CD9: variants seen among roughly 807,000 people sequenced by gnomAD.
The protein encoded by CD9 is CD9 antigen.
CD9 carries 10 observed loss-of-function variants against 31.4 expected under a neutral mutation model. The observed-to-expected ratio is 0.32, with a 90% CI of 0.20 to 0.54. CD9 has a LOEUF of 0.54. Ranked by LOEUF, CD9 falls within the 20% of genes least tolerant of loss-of-function variation. CD9 has a pLI of 0.94. For missense variants in CD9, 259 were observed against 300.1 expected (o/e 0.86, Z 1.01); for synonymous variants, 113 against 114.1 (o/e 0.99, Z 0.06).
chr12:6,218,967 C>G (rs1005149410), intron 1 of CD9, among the ~76,000 whole-genome samples: 3 of 152,060 alleles, frequency 2.0e-5, no homozygotes, highest in Non-Finnish European at 4.4e-5. Context: ...GGCAGAGTTG[C>G]AGATAAAGAC....
At position 6,225,470 on chromosome 12, in the gene CD9, C is replaced by T. The variant is rs768042447; in HGVS notation, c.111C>T (p.Phe37=). 33 of 1,613,672 alleles carry T rather than the reference C, an allele frequency of 2.0e-5. No homozygotes were observed. The highest frequency in any genetic ancestry group is 1.6e-4 in the Middle Eastern group (1 of 6,084). Residue 37 remains phenylalanine, a synonymous_variant, in exon 2 of 8, where the codon TTC becomes TTT. Coordinates refer to ENST00000009180, the MANE Select transcript of CD9 (RefSeq NM_001769.4). ...AVLAIGLWLR[F]DSQTKSIFEQ... is the part of the protein sequence containing the mutation. ...TTGCCATTGGACTATGGCTCCGATT[C>T]GACTCTCAGACCAAGAGCATCTTCG...
At chr12:6,235,949 A>G (rs1946516010) in intron 6 of CD9, 14 of 1,406,624 alleles carry the variant, frequency 1.0e-5, no homozygotes, top group Non-Finnish European at 1.3e-5. Flanking sequence ...TAGACCCCCA[A>G]GCAGGGCCTG....
chr12:6,235,250 T>C lies in CD9; in HGVS notation c.370T>C (p.Phe124Leu), dbSNP rs948745449. 6.2e-7 allele frequency: 1 copy of C among 1,605,866 alleles called. No individual in the cohort carries two copies. Among genetic ancestry groups the C allele is most frequent in the Non-Finnish European group, 8.5e-7 (1 of 1,173,276 alleles). Residue 124 changes from phenylalanine (F) to leucine (L), a missense_variant, in exon 5 of 8, where the codon TTT becomes CTT. Coordinates refer to ENST00000009180, the MANE Select transcript of CD9 (RefSeq NM_001769.4). ...GTAGGTGATTAAGGAAGTCCAGGAGTTTTACAAGGACACCTACAACAAGCT... is the reference window on the plus strand; with the variant it reads ...GTAGGTGATTAAGGAAGTCCAGGAGCTTTACAAGGACACCTACAACAAGCT... ...KDEVIKEVQE[F>L]YKDTYNKLKT...
rs192103836 is a variant in CD9 at position 6,230,849 on chromosome 12, C to A, written c.176-1783C>A. On this transcript the variant is annotated intron_variant, in intron 2 of 7. Coordinates refer to ENST00000009180, the MANE Select transcript of CD9 (RefSeq NM_001769.4). ...AAGAACAATACCCATATTCTTGCAA[C>A]ATGGGGTTTGCCAGTAACCCCACGT... is the stretch of plus-strand genomic sequence containing the variant. Among the ~76,000 whole-genome samples the A allele has an allele frequency of 4.1e-3, 626 of 152,354 alleles. 3 individuals are homozygous for A. Among genetic ancestry groups the A allele is most frequent in the Middle Eastern group, 0.01 (3 of 294 alleles).
chr12:6,219,162 C>A (rs183049894), intron 1 of CD9, among the ~76,000 whole-genome samples: 1 of 151,998 alleles, frequency 6.6e-6, no homozygotes, highest in Non-Finnish European at 1.5e-5. Flanking sequence ...CACACCACCA[C>A]GCCCGGCTAA....
chr12:6,235,350 C>A (rs1946504153), intron 5 of CD9, 23 bp downstream of exon 5: 7 of 1,614,198 alleles, frequency 4.3e-6, no homozygotes, highest in Non-Finnish European at 5.9e-6. Flanking sequence ...GGCAAAGACA[C>A]CCTCCTGCGC....
Position 6,236,200 on chromosome 12 carries a change from T to C in CD9, c.546T>C (p.Pro182=), listed in dbSNP as rs986084826. The change falls in exon 7 of 8, where the codon CCT becomes CCC. Residue 182 remains proline (P), a synonymous_variant. Transcript: ENST00000009180. The stretch of plus-strand genomic sequence containing the variant: ...TGGTTTGTCTCCCCAAGTCCTGTCC[T>C]GATGCCATCAAAGAGGTCTTCGACA... ...VLETFTVKSC[P]DAIKEVFDNK... is the part of the protein sequence containing the mutation. 25 of 1,614,118 alleles carry C rather than the reference T, an allele frequency of 1.5e-5. No homozygotes were observed. Among genetic ancestry groups the C allele is most frequent in the Non-Finnish European group, 2.1e-5 (25 of 1,180,040 alleles).
rs141651877 is a variant in CD9 at position 6,218,751 on chromosome 12, C to T, written c.67-6675C>T. On this transcript the variant is annotated intron_variant, in intron 1 of 7. Transcript: ENST00000009180. ...TGAGTCACTGAAATTCTCATCTTTG[C>T]GTGGGAGCCTTGGGTGAATTGTGCT... 2.6e-5 allele frequency among the ~76,000 whole-genome samples: 4 copies of T among 152,134 alleles called. No homozygotes were observed. The East Asian group carries it at 7.7e-4, about 29-fold the overall frequency.
chr12:6,200,655 G>T, intron 1 of CD9, 90 bp downstream of exon 1: 2 of 837,322 alleles, frequency 2.4e-6, no homozygotes. Flanking sequence ...GCCGGCAGCT[G>T]GCACTGCCCG....
At chr12:6,210,233 G>C (rs1217404585) in intron 1 of CD9, among the ~76,000 whole-genome samples, 1 of 152,234 alleles carries the variant, frequency 6.6e-6, no homozygotes, top group Non-Finnish European at 1.5e-5. Flanking sequence ...CACGGGGGAT[G>C]GAAGGACCAT....
chr12:6,232,605 G>T lies in CD9; in HGVS notation c.176-27G>T. On this transcript the variant is annotated intron_variant, in intron 2 of 7. Coordinates refer to ENST00000009180, the MANE Select transcript of CD9 (RefSeq NM_001769.4). This position sits in a 1 kb window ranked among gnomAD's most constrained non-coding sequence, Gnocchi z 4.8. ...GGCCTCTGAACTGATGTCTCCACGCGTGTGTGCTTCCTCTGTCCTCCCGCA... is the reference window on the plus strand; with the variant it reads ...GGCCTCTGAACTGATGTCTCCACGCTTGTGTGCTTCCTCTGTCCTCCCGCA... 6.9e-7 allele frequency: 1 copy of T among 1,440,594 alleles called. No homozygotes were observed. 89.2% of individuals were successfully genotyped at this position (1,440,594 alleles called of 1,614,324 possible).
intron 1 of CD9, among the ~76,000 whole-genome samples, chr12:6,201,443 C>T (rs1046116541): frequency 5.3e-5 from 8 of 152,222 alleles, no homozygotes; most frequent in African/African-American, 1.9e-4. Context: ...CTCCCCTCCC[C>T]GCCAGCCCAG....
intron 1 of CD9, among the ~76,000 whole-genome samples, chr12:6,204,784 G>A (rs1203174500): frequency 6.6e-6 from 1 of 152,198 alleles, no homozygotes; most frequent in African/African-American, 2.4e-5. Context: ...ATGAGGCCCT[G>A]GGGAGGGTGA....
chr12:6,237,582 G>A (rs1014569688), intron 7 of CD9, among the ~76,000 whole-genome samples, 181 bp from the exon 8 acceptor site: 7 of 152,130 alleles, frequency 4.6e-5, no homozygotes, highest in African/African-American at 9.7e-5. Context: ...CTCACGTCCC[G>A]CACCCTTCTC....
chr12:6,211,724 T>C (rs1946196260), intron 1 of CD9, among the ~76,000 whole-genome samples: 1 of 152,180 alleles, frequency 6.6e-6, no homozygotes, highest in Non-Finnish European at 1.5e-5. Flanking sequence ...ATCCCCCACA[T>C]CAGATGATTT....
chr12:6,236,169 A>G, intron 6 of CD9, 23 bp from the exon 7 acceptor site: 1 of 1,613,896 alleles, frequency 6.2e-7, no homozygotes, highest in Non-Finnish European at 8.5e-7. Flanking sequence ...TGTGTGACCC[A>G]GGTCTTGGTT....
At chr12:6,221,516 A>G (rs1318902534) in intron 1 of CD9, among the ~76,000 whole-genome samples, 1 of 152,126 alleles carries the variant, frequency 6.6e-6, no homozygotes, top group Non-Finnish European at 1.5e-5. Context: ...ATGCCGCCAT[A>G]TGTCTGTTAA....
chr12:6,207,484 G>A (rs1946145853), intron 1 of CD9, among the ~76,000 whole-genome samples: 1 of 152,198 alleles, frequency 6.6e-6, no homozygotes, highest in African/African-American at 2.4e-5. Flanking sequence ...TGTATTTCTA[G>A]TACACACGAA....
At chr12:6,214,989 T>C (rs1462021569) in intron 1 of CD9, among the ~76,000 whole-genome samples, 2 of 152,186 alleles carry the variant, frequency 1.3e-5, no homozygotes, top group African/African-American at 4.8e-5. Context: ...CTCTCCTTTC[T>C]TACCTCTTCC....
Sources: allele counts gnomAD v4.1 joint callset (sites outside exome capture counted in the v4.1 genomes callset), GRCh38; gene constraint gnomAD v4.1.1; non-coding constraint Gnocchi (gnomAD v3.1); transcripts MANE v1.5; gene names NCBI Gene and HGNC (gene_info 2026-07-23, HGNC 2026-07-21).